Variants in OTC observed in about 807,000 individuals in gnomAD.
OTC encodes ornithine transcarbamylase.
In OTC, 3 loss-of-function variants were observed where a neutral mutation model predicts 30.3. The ratio of observed to expected loss-of-function variants is 0.10; its 90% CI spans 0.05 to 0.26. The LOEUF (loss-of-function observed/expected upper bound fraction) is 0.26. Among genes scored for constraint, OTC ranks in the 10% least tolerant of loss-of-function variants. The pLI is 1.00. For missense variants in OTC, 194 were observed against 260.3 expected (o/e 0.75, Z 1.75); for synonymous variants, 111 against 99.7 (o/e 1.11, Z -0.67).
intron 9 of OTC, among the ~76,000 whole-genome samples, chrX:38,415,724 G>A (rs959648632): frequency 1.8e-5 from 2 of 110,594 alleles, no homozygotes; most frequent in Admixed American, 9.7e-5. Flanking sequence ...GCATGGTGGC[G>A]CACATCTGTA....
chrX:38,365,694 G>T (rs1467560250), intron 1 of OTC, among the ~76,000 whole-genome samples: 1 of 112,428 alleles, frequency 8.9e-6, no homozygotes, highest in Non-Finnish European at 1.9e-5. Flanking sequence ...ACAGTAAACT[G>T]ATGTCAGGAT....
At chrX:38,364,767 G>C in intron 1 of OTC, among the ~76,000 whole-genome samples, 1 of 105,219 alleles carries the variant, frequency 9.5e-6, no homozygotes, top group Non-Finnish European at 2.0e-5. Flanking sequence ...ACTCCAGCCT[G>C]GGCAACAGAG....
At chrX:38,367,195 A>T in intron 1 of OTC, 96 bp from the exon 2 acceptor site, 1 of 741,040 alleles carries the variant, frequency 1.3e-6, no homozygotes, top group Non-Finnish European at 2.0e-6. Context: ...AAAAGAAAAG[A>T]AAAGAATGCC....
upstream of OTC, among the ~76,000 whole-genome samples, chrX:38,347,794 G>A (rs1036091195): frequency 9.0e-6 from 1 of 111,572 alleles, no homozygotes; most frequent in Non-Finnish European, 1.9e-5. Context: ...TGAGGGTACC[G>A]AATGACTTAG....
the OTC span, among the ~76,000 whole-genome samples, chrX:38,329,697 T>C: frequency 2.7e-5 from 3 of 111,685 alleles, no homozygotes; most frequent in African/African-American, 9.8e-5. Flanking sequence ...TAGCCTCTGA[T>C]TGGTTGCTTT....
chrX:38,340,467 T>TG, the OTC span, among the ~76,000 whole-genome samples: 4 of 92,173 alleles, frequency 4.3e-5, no homozygotes, highest in Non-Finnish European at 8.3e-5. Context: ...TTGTTTTTTT[T>TG]TTTTTGTTTT....
At chrX:38,394,091 G>C (rs772889336) in intron 4 of OTC, among the ~76,000 whole-genome samples, 3 of 112,153 alleles carry the variant, frequency 2.7e-5, no homozygotes, top group Non-Finnish European at 5.6e-5. Flanking sequence ...GTCAAGTAAA[G>C]CAATACATTC....
At chrX:38,367,568 T>C (rs1184725383) in intron 2 of OTC, 139 bp downstream of exon 2, 2 of 533,169 alleles carry the variant, frequency 3.8e-6, no homozygotes, top group African/African-American at 4.7e-5. Context: ...GTCAAGGTAA[T>C]TGATTATCAT....
the OTC span, among the ~76,000 whole-genome samples, chrX:38,341,316 A>G: frequency 9.0e-6 from 1 of 111,437 alleles, no homozygotes; most frequent in Non-Finnish European, 1.9e-5. Flanking sequence ...AGAAGATGAT[A>G]TGTGAACAAC....
the OTC span, among the ~76,000 whole-genome samples, chrX:38,341,579 C>T: frequency 3.6e-5 from 4 of 111,994 alleles, no homozygotes; most frequent in South Asian, 3.7e-4. Flanking sequence ...GCCATGGTAG[C>T]GAAGGGATTT....
downstream of OTC, chrX:38,421,552 T>G (rs1171362309): frequency 8.0e-6 from 1 of 125,547 alleles, no homozygotes; most frequent in Non-Finnish European, 1.6e-5. Context: ...CTTGCAGATG[T>G]GGTACAATTT....
At chrX:38,392,041 C>G (rs1054583906) in intron 4 of OTC, among the ~76,000 whole-genome samples, 25 of 111,771 alleles carry the variant, frequency 2.2e-4, no homozygotes, top group African/African-American at 7.4e-4. Flanking sequence ...TTTTTCTAAA[C>G]AGTAGGAAAA....
intron 4 of OTC, among the ~76,000 whole-genome samples, chrX:38,383,961 T>C (rs2068389583): frequency 9.0e-6 from 1 of 111,602 alleles, no homozygotes; most frequent in African/African-American, 3.3e-5. Context: ...TTTATTACAA[T>C]GAAAGTATAC....
chrX:38,390,871 T>A (rs1488999204), intron 4 of OTC, among the ~76,000 whole-genome samples: 1 of 112,258 alleles, frequency 8.9e-6, no homozygotes, highest in African/African-American at 3.2e-5. Context: ...TGCACCAGGT[T>A]TTCCTGGGGT....
intron 8 of OTC, among the ~76,000 whole-genome samples, chrX:38,410,972 A>G (rs143256248): frequency 5.1e-4 from 57 of 111,931 alleles, no homozygotes; most frequent in African/African-American, 1.7e-3. Flanking sequence ...AACAATAGAA[A>G]TATATAGGGA....
At chrX:38,360,115 T>C (rs1174790403) in intron 1 of OTC, among the ~76,000 whole-genome samples, 2 of 109,196 alleles carry the variant, frequency 1.8e-5, no homozygotes, top group Non-Finnish European at 3.8e-5. Context: ...GAGACGGGGT[T>C]TCACCATGTT....
At chrX:38,384,061 A>C (rs922561108) in intron 4 of OTC, among the ~76,000 whole-genome samples, 3 of 112,471 alleles carry the variant, frequency 2.7e-5, no homozygotes, top group African/African-American at 9.7e-5. Context: ...GGCACTGAAC[A>C]TATTGCATTA....
chrX:38,342,146 A>G, the OTC span, among the ~76,000 whole-genome samples: 2 of 105,443 alleles, frequency 1.9e-5, no homozygotes, highest in East Asian at 5.9e-4. Flanking sequence ...CAGCCTCTCG[A>G]TGCATAGCTG....
intron 1 of OTC, among the ~76,000 whole-genome samples, chrX:38,365,912 G>GA (rs1411878843): frequency 8.9e-6 from 1 of 112,184 alleles, no homozygotes; most frequent in East Asian, 2.8e-4. Flanking sequence ...AGGGGTGGGG[G>GA]AAATCTCAGC....
Sources: gnomAD v4.1 joint callset for allele counts (sites outside exome capture counted in the v4.1 genomes callset) on GRCh38, gnomAD v4.1.1 for gene constraint, MANE v1.5 for transcripts, NCBI Gene and HGNC (gene_info 2026-07-23, HGNC 2026-07-21) for gene names.